The following CD74 variants were observed in gnomAD, a reference collection of about 807,000 sequenced individuals.
CD74 encodes the protein HLA class II histocompatibility antigen gamma chain.
CD74 carries 20 observed loss-of-function variants against 37.1 expected under a neutral mutation model. The observed-to-expected ratio is 0.54, with a 90% CI of 0.38 to 0.78. The LOEUF (loss-of-function observed/expected upper bound fraction) is 0.78, where lower values mean the gene tolerates loss of function less well. Ranked by LOEUF, CD74 falls within the 30% of genes least tolerant of loss-of-function variation. The pLI, the probability that CD74 is intolerant of heterozygous loss-of-function variation, is 0.00. For missense variants in CD74, 338 were observed against 389.5 expected (o/e 0.87, Z 1.11); for synonymous variants, 150 against 152.0 (o/e 0.99, Z 0.10).
Position 150,403,304 on chromosome 5 carries a change from TGGTCA to T in CD74, c.629_633del (p.Leu210GlnfsTer59). The T allele has an allele frequency of 6.2e-7, 1 of 1,613,934 alleles. No individual in the cohort carries two copies. Among genetic ancestry groups the T allele is most frequent in the Non-Finnish European group, 8.5e-7 (1 of 1,179,860 alleles). On this transcript the variant is annotated frameshift_variant, in exon 7 of 9. Coordinates refer to ENST00000009530, the MANE Select transcript of CD74 (RefSeq NM_001025159.3). LOFTEE classifies it high-confidence loss of function. This position sits in a 1 kb window ranked among gnomAD's most constrained non-coding sequence, Gnocchi z 4.5. ...ATGTGGCTGACCTCTTCCTGGCACT[TGGTCA>T]GTACTGAAGCGACAGGCATGATGAG...
At chr5:150,409,718 A>AAC (rs1561555459) in intron 1 of CD74, among the ~76,000 whole-genome samples, 2 of 150,730 alleles carry the variant, frequency 1.3e-5, no homozygotes, top group African/African-American at 4.9e-5. Context: ...AAAAAAAAAA[A>AAC]AAAACAAGAA....
Position 150,403,685 on chromosome 5 carries a change from C to T in CD74, c.626-373G>A, listed in dbSNP as rs1769777895. On this transcript the variant is annotated intron_variant, in intron 6 of 8. Transcript: ENST00000009530. The surrounding 1 kb of genome is among the most constrained non-coding windows in gnomAD (Gnocchi z 4.5). ...ACCAGCCTGGCCAACATGGTGAAACCCTGTCTCTACTAAAAATACAAAAAT... is the reference window on the plus strand; with the variant it reads ...ACCAGCCTGGCCAACATGGTGAAACTCTGTCTCTACTAAAAATACAAAAAT... 6.6e-6 allele frequency among the ~76,000 whole-genome samples: 1 copy of T among 152,098 alleles called. No individual in the cohort carries two copies. The highest frequency in any genetic ancestry group is 6.5e-5 in the Admixed American group (1 of 15,272).
At chr5:150,409,391 G>T (rs576721738) in intron 1 of CD74, among the ~76,000 whole-genome samples, 1 of 152,044 alleles carries the variant, frequency 6.6e-6, no homozygotes, top group Non-Finnish European at 1.5e-5. Context: ...GCCGGACGTG[G>T]TGGCGAGCAC....
chr5:150,410,160 G>A (rs1390839629), intron 1 of CD74, among the ~76,000 whole-genome samples: 2 of 152,188 alleles, frequency 1.3e-5, no homozygotes, highest in Non-Finnish European at 2.9e-5. Flanking sequence ...GGCCTAGCCT[G>A]TGTTCAGGCT....
intron 3 of CD74, 59 bp from the exon 4 acceptor site, chr5:150,406,380 G>T: frequency 7.3e-7 from 1 of 1,375,900 alleles, no homozygotes. Flanking sequence ...GGGGTATGGA[G>T]CAGGAGCCGG....
rs541303521 is a variant in CD74, at chr5:150,406,155, A to G, written c.441+104T>C. 258 of 812,948 alleles carry G rather than the reference A, an allele frequency of 3.2e-4. 1 individual carries two copies. In the African/African-American group the frequency reaches 3.8e-3, roughly 12 times the overall value. 50.4% of individuals were successfully genotyped at this position (812,948 alleles called of 1,614,324 possible). On this transcript the variant is annotated intron_variant, in intron 4 of 8. Coordinates refer to ENST00000009530, the MANE Select transcript of CD74 (RefSeq NM_001025159.3). ...TTGTATTCAGTAATCCAGAGAGCAC[A>G]TGTTGAAAGTCTGCCATGAGCCAGG...
In CD74 at chr5:150,401,985, G is replaced by A. The variant is rs1769640443; in HGVS notation, c.*255C>T. ...GCTGTGATGTCAGGAACGGGGATCT[G>A]TCTAGCTTTTGGCCACTTCCTGGGA... On this transcript the variant is annotated 3_prime_UTR_variant, in exon 9 of 9. Coordinates refer to ENST00000009530, the MANE Select transcript of CD74 (RefSeq NM_001025159.3). 7.1e-7 allele frequency: 1 copy of A among 1,399,722 alleles called. No homozygotes were observed. Among genetic ancestry groups the A allele is most frequent in the East Asian group, 2.5e-5 (1 of 40,304 alleles). 86.7% of individuals were successfully genotyped at this position (1,399,722 alleles called of 1,614,324 possible).
In CD74 at chr5:150,404,254, G is replaced by A. The variant is rs185676249; in HGVS notation, c.625+426C>T. Among the ~76,000 whole-genome samples the A allele has an allele frequency of 1.1e-3, 160 of 152,338 alleles. 1 individual carries two copies. The highest frequency in any genetic ancestry group is 3.7e-3 in the African/African-American group (155 of 41,580). Reference sequence around the variant, plus strand: ...ACATCCTAGTCTGCATTGTCCATGAGGTGGGAAACGCCCAAGGCTCTCTTG... The same window carrying A: ...ACATCCTAGTCTGCATTGTCCATGAAGTGGGAAACGCCCAAGGCTCTCTTG... On this transcript the variant is annotated intron_variant, in intron 6 of 8. Transcript: ENST00000009530.
intron 2 of CD74, 27 bp from the exon 3 acceptor site, chr5:150,406,987 G>A (rs754032083): frequency 2.5e-5 from 39 of 1,562,286 alleles, no homozygotes; most frequent in Non-Finnish European, 3.2e-5. Context: ...GAGGGTAAGT[G>A]TGGCCCCGGT....
At chr5:150,405,363 G>C (rs766988954) in intron 4 of CD74, 183 bp from the exon 5 acceptor site, 1 of 1,303,370 alleles carries the variant, frequency 7.7e-7, no homozygotes, top group Non-Finnish European at 9.7e-7. Flanking sequence ...GGGTAGTCCA[G>C]CTGTTCAGCT....
At position 150,402,685 on chromosome 5, in the gene CD74, C is replaced by T. The variant is rs2151167749; in HGVS notation, c.818-60G>A. Reference sequence around the variant, plus strand: ...AGTGCAGCCTACCTGACCCAAGATGCCTGAGGGCAGTGCTTCCCACCTAGC... The same window carrying T: ...AGTGCAGCCTACCTGACCCAAGATGTCTGAGGGCAGTGCTTCCCACCTAGC... On this transcript the variant is annotated intron_variant, in intron 7 of 8. Coordinates refer to ENST00000009530, the MANE Select transcript of CD74 (RefSeq NM_001025159.3). This position sits in a 1 kb window ranked among gnomAD's most constrained non-coding sequence, Gnocchi z 4.2. The T allele has an allele frequency of 6.9e-7, 1 of 1,445,788 alleles. No homozygotes were observed. Among genetic ancestry groups the T allele is most frequent in the Non-Finnish European group, 9.5e-7 (1 of 1,048,082 alleles). 89.6% of individuals were successfully genotyped at this position (1,445,788 alleles called of 1,614,324 possible).
At chr5:150,409,995 C>T (rs1327482268) in intron 1 of CD74, among the ~76,000 whole-genome samples, 1 of 145,066 alleles carries the variant, frequency 6.9e-6, no homozygotes, top group African/African-American at 2.6e-5. Context: ...GCGTGCCAGT[C>T]TGTGCTTTCT....
rs1769993871 is a variant in CD74, at chr5:150,406,865, C to G, written c.378+16G>C. 2 of 1,473,562 alleles carry G rather than the reference C, an allele frequency of 1.4e-6. No individual in the cohort carries two copies. The highest frequency in any genetic ancestry group is 1.8e-6 in the Non-Finnish European group (2 of 1,111,012). The allele number at this position is 1,473,562 out of a possible 1,614,324, so 91.3% of individuals were successfully genotyped here. A position where few individuals can be genotyped will look rare whatever the true frequency, so the allele number is the denominator to read the frequency against. On this transcript the variant is annotated intron_variant, in intron 3 of 8. Transcript: ENST00000009530. ...GGATAACCTTGCCCCTCCCACCACC[C>G]TGGGGCTGTCCTTACCCCCTGGGGC...
intron 1 of CD74, among the ~76,000 whole-genome samples, 169 bp downstream of exon 1, chr5:150,412,456 G>A (rs557237719): frequency 6.6e-6 from 1 of 152,318 alleles, no homozygotes; most frequent in South Asian, 2.1e-4. Context: ...AGAGGGAGCC[G>A]GAGCCCAGAG....
chr5:150,404,118 CCTT>C (rs1183233438), intron 6 of CD74, among the ~76,000 whole-genome samples: 1 of 152,186 alleles, frequency 6.6e-6, no homozygotes, highest in Non-Finnish European at 1.5e-5. Flanking sequence ...GGCCCTTTGA[CCTT>C]CTACTTCAGG....
At chr5:150,411,153 GAATTAA>G (rs1292866659) in intron 1 of CD74, among the ~76,000 whole-genome samples, 1 of 152,220 alleles carries the variant, frequency 6.6e-6, no homozygotes, top group African/African-American at 2.4e-5. Flanking sequence ...GTGACTGTAA[GAATTAA>G]AATTGAGTTT....
chr5:150,404,652 G>A (rs1445518346), intron 6 of CD74, 28 bp downstream of exon 6: 1 of 1,469,346 alleles, frequency 6.8e-7, no homozygotes, highest in African/African-American at 1.4e-5. Flanking sequence ...CAGAAGCCCT[G>A]GCACGCTAAA....
chr5:150,404,850 A>G, intron 5 of CD74, 83 bp from the exon 6 acceptor site: 1 of 1,038,308 alleles, frequency 9.6e-7, no homozygotes, highest in Non-Finnish European at 1.5e-6. Flanking sequence ...GGGGACAGAA[A>G]CATGCAGGGC....
At position 150,402,280 on chromosome 5, in the gene CD74, G is replaced by A. The variant is rs1400747795; in HGVS notation, c.881-30C>T. 2.6e-5 allele frequency: 40 copies of A among 1,538,262 alleles called. No homozygotes were observed. The highest frequency in any genetic ancestry group is 3.4e-5 in the Non-Finnish European group (38 of 1,119,856). On this transcript the variant is annotated intron_variant, in intron 8 of 8. Transcript: ENST00000009530. This position sits in a 1 kb window ranked among gnomAD's most constrained non-coding sequence, Gnocchi z 4.2. ...AGAGAGAAGCAGCAGGTTGAGGTTG[G>A]GGTCACCCATTTGTTGTCCCTGCCC...
Sources: gnomAD v4.1 joint callset for allele counts (sites outside exome capture counted in the v4.1 genomes callset) on GRCh38, gnomAD v4.1.1 for gene constraint, Gnocchi (gnomAD v3.1) non-coding constraint, MANE v1.5 for transcripts, NCBI Gene and HGNC (gene_info 2026-07-23, HGNC 2026-07-21) for gene names.